Variants in TMEM232 observed in about 807,000 individuals in gnomAD.
TMEM232 encodes the protein transmembrane protein 232.
TMEM232 carries 80 observed loss-of-function variants against 78.8 expected under a neutral mutation model. That is an observed-to-expected ratio of 1.01 (90% confidence interval 0.85 to 1.22). TMEM232 has a LOEUF of 1.22. Ranked by LOEUF, TMEM232 falls within the 50% of genes most tolerant of loss-of-function variation. The pLI, the probability that TMEM232 is intolerant of heterozygous loss-of-function variation, is 0.00. For missense variants in TMEM232, 881 were observed against 742.2 expected (o/e 1.19, Z -2.17); for synonymous variants, 297 against 254.3 (o/e 1.17, Z -1.60).
At chr5:110,597,213 C>T (rs1462929187) in intron 10 of TMEM232, among the ~76,000 whole-genome samples, 1 of 152,188 alleles carries the variant, frequency 6.6e-6, no homozygotes, top group Non-Finnish European at 1.5e-5. Context: ...CATTCTTATA[C>T]ACCAATAACA....
chr5:110,605,174 G>A lies in TMEM232; in HGVS notation c.1211C>T (p.Pro404Leu). The A allele has an allele frequency of 6.5e-7, 1 of 1,550,224 alleles. No homozygotes were observed. The highest frequency in any genetic ancestry group is 8.7e-7 in the Non-Finnish European group (1 of 1,145,982). The change falls in exon 10 of 14, where the codon CCA becomes CTA. Residue 404 changes from proline (P) to leucine (L), a missense_variant. Coordinates refer to ENST00000455884, the MANE Select transcript of TMEM232 (RefSeq NM_001039763.4). ...TAAAATACTTGTTTCCTTTAATTCT[G>A]GAGGTACTGATTTGTCCAAGTATAA... is the stretch of plus-strand genomic sequence containing the variant. ...NILYLDKSVPPELKETSILSL... is the reference protein window; with the variant it reads ...NILYLDKSVPLELKETSILSL...
intron 12 of TMEM232, among the ~76,000 whole-genome samples, chr5:110,509,346 A>G (rs191688255): frequency 1.0e-3 from 152 of 152,158 alleles, no homozygotes; most frequent in African/African-American, 3.5e-3. Flanking sequence ...GAGAGGCAGG[A>G]GGATCTCATG....
chr5:110,708,940 C>T (rs919258728), intron 1 of TMEM232, among the ~76,000 whole-genome samples: 1 of 151,572 alleles, frequency 6.6e-6, no homozygotes, highest in African/African-American at 2.4e-5. Flanking sequence ...ATATAGTGGC[C>T]GAATGGATGA....
chr5:110,610,278 G>GAAGGAAGGAAGGGAGGAAGGGAGGAA (rs1554057579), intron 8 of TMEM232, among the ~76,000 whole-genome samples: 1 of 146,006 alleles, frequency 6.8e-6, no homozygotes, highest in African/African-American at 2.6e-5. Flanking sequence ...AAGGTGGGTG[G>GAAGGAAGGAAGGGAGGAAGGGAGGAA]GTGAAGGGAG....
intron 7 of TMEM232, among the ~76,000 whole-genome samples, chr5:110,620,519 T>C (rs1783494332): frequency 6.6e-6 from 1 of 150,898 alleles, no homozygotes. Flanking sequence ...CTCTAGTAGA[T>C]TCCTTCTAAC....
intron 2 of TMEM232, among the ~76,000 whole-genome samples, chr5:110,657,503 A>C (rs1789247424): frequency 2.0e-5 from 3 of 152,164 alleles, no homozygotes; most frequent in Non-Finnish European, 4.4e-5. Context: ...GCACAGAAGG[A>C]TAAACACCAC....
At chr5:110,517,103 A>G (rs768600119) in intron 12 of TMEM232, among the ~76,000 whole-genome samples, 33 of 152,186 alleles carry the variant, frequency 2.2e-4, no homozygotes, top group Admixed American at 3.9e-4. Flanking sequence ...ATGGAGATAT[A>G]TAGGCACGCT....
At chr5:110,567,602 T>A (rs1271305105) in intron 11 of TMEM232, among the ~76,000 whole-genome samples, 1 of 151,888 alleles carries the variant, frequency 6.6e-6, no homozygotes, top group Non-Finnish European at 1.5e-5. Context: ...GAGATATAGG[T>A]TGATTTACAA....
At chr5:110,694,043 G>A (rs183386477) in intron 1 of TMEM232, among the ~76,000 whole-genome samples, 299 of 152,040 alleles carry the variant, frequency 2.0e-3, no homozygotes, top group Non-Finnish European at 3.7e-3. Flanking sequence ...AATGTTAAGC[G>A]CAACCACAGA....
chr5:110,477,628 A>AT (rs1223189877), intron 12 of TMEM232, among the ~76,000 whole-genome samples: 1 of 151,792 alleles, frequency 6.6e-6, no homozygotes, highest in African/African-American at 2.4e-5. Flanking sequence ...CATCTATTCA[A>AT]AAACCTCTAT....
At chr5:110,641,051 ATATT>A in intron 3 of TMEM232, 55 bp from the exon 4 acceptor site, 1 of 1,134,470 alleles carries the variant, frequency 8.8e-7, no homozygotes, top group South Asian at 1.9e-5. Context: ...TTTTATATAT[ATATT>A]TATTTTTAAC....
At chr5:110,517,414 T>C (rs1477305846) in intron 12 of TMEM232, among the ~76,000 whole-genome samples, 1 of 152,222 alleles carries the variant, frequency 6.6e-6, no homozygotes, top group Non-Finnish European at 1.5e-5. Flanking sequence ...AGATTTAAAT[T>C]TGCTTTTACA....
chr5:110,694,717 C>T (rs949695551), intron 1 of TMEM232, among the ~76,000 whole-genome samples: 3 of 151,824 alleles, frequency 2.0e-5, no homozygotes, highest in Non-Finnish European at 2.9e-5. Context: ...AAGGCCATTA[C>T]ATAATGGTAA....
At chr5:110,641,361 T>C (rs1420665907) in intron 3 of TMEM232, among the ~76,000 whole-genome samples, 1 of 152,190 alleles carries the variant, frequency 6.6e-6, no homozygotes, top group Non-Finnish European at 1.5e-5. Context: ...GTGAGTTTGA[T>C]GCCAGTTTGC....
At chr5:110,649,360 A>C (rs1466587342) in intron 2 of TMEM232, among the ~76,000 whole-genome samples, 2 of 152,122 alleles carry the variant, frequency 1.3e-5, no homozygotes, top group Non-Finnish European at 2.9e-5. Flanking sequence ...CACCTGGTGA[A>C]TACACAAGTA....
intron 7 of TMEM232, among the ~76,000 whole-genome samples, chr5:110,620,633 CTCTCT>C (rs1783569212): frequency 1.3e-4 from 12 of 94,262 alleles, no homozygotes; most frequent in African/African-American, 3.6e-4. Context: ...CTCTCTCTCT[CTCTCT>C]CCTCTCTCCT....
Position 110,555,070 on chromosome 5 carries a change from C to T in TMEM232, c.1455+13377G>A, listed in dbSNP as rs193077481. ...TTCTACTAGCTTTAAGGTTGGTTTG[C>T]TCTTGTTTTTCTAGTTCCTCTTGGT... On this transcript the variant is annotated intron_variant, in intron 11 of 13. Coordinates refer to ENST00000455884, the MANE Select transcript of TMEM232 (RefSeq NM_001039763.4). Among the ~76,000 whole-genome samples the T allele has an allele frequency of 6.8e-4, 103 of 152,018 alleles. 1 individual carries two copies. The highest frequency in any genetic ancestry group is 6.8e-3 in the Middle Eastern group (2 of 294).
At chr5:110,676,564 C>T (rs1388515465) in intron 1 of TMEM232, among the ~76,000 whole-genome samples, 1 of 151,800 alleles carries the variant, frequency 6.6e-6, no homozygotes, top group Non-Finnish European at 1.5e-5. Context: ...AGCCACCACA[C>T]CCATCTAATG....
chr5:110,452,448 G>A (rs924490322), intron 12 of TMEM232, among the ~76,000 whole-genome samples: 11 of 152,080 alleles, frequency 7.2e-5, no homozygotes, highest in Non-Finnish European at 1.3e-4. Flanking sequence ...AGAACAGGTC[G>A]TTTGTTCTGT....
Sources: allele counts gnomAD v4.1 joint callset (sites outside exome capture counted in the v4.1 genomes callset), GRCh38; gene constraint gnomAD v4.1.1; transcripts MANE v1.5; gene names NCBI Gene and HGNC (gene_info 2026-07-23, HGNC 2026-07-21).